The following EBF1 variants were observed in gnomAD, a reference collection of about 807,000 sequenced individuals.
The protein encoded by EBF1 is transcription factor COE1.
Under a neutral mutation model 68.4 loss-of-function variants are expected in EBF1, and 10 were observed. The ratio of observed to expected loss-of-function variants is 0.15; its 90% CI spans 0.09 to 0.25. The LOEUF is 0.25. Ranked by LOEUF, EBF1 falls within the 10% of genes least tolerant of loss-of-function variation. The pLI is 1.00. For missense variants in EBF1, 509 were observed against 794.4 expected, an observed-to-expected ratio of 0.64 and a Z score of 4.32; for synonymous variants, 298 against 299.8, an observed-to-expected ratio of 0.99 and a Z score of 0.06.
At chr5:159,099,301 C>G in intron 1 of EBF1, 44 bp downstream of exon 1, 1 of 1,428,118 alleles carries the variant, frequency 7.0e-7, no homozygotes, top group Non-Finnish European at 9.2e-7. Flanking sequence ...CCCGGCTCTC[C>G]CGCTCGCGGC....
intron 8 of EBF1, among the ~76,000 whole-genome samples, chr5:158,822,783 T>C (rs915935220): frequency 4.6e-5 from 7 of 152,220 alleles, no homozygotes; most frequent in Admixed American, 3.3e-4. Flanking sequence ...ATTATAAACA[T>C]GTCAAATATA....
chr5:158,696,551 A>G lies in EBF1; in HGVS notation c.*2560T>C. 1 of 224,336 alleles carries G rather than the reference A, an allele frequency of 4.5e-6. No homozygotes were observed. Among genetic ancestry groups the G allele is most frequent in the East Asian group, 6.4e-5 (1 of 15,748 alleles). 13.9% of individuals were successfully genotyped at this position (224,336 alleles called of 1,614,324 possible). On this transcript the variant is annotated 3_prime_UTR_variant, in exon 16 of 16. Coordinates refer to ENST00000313708, the MANE Select transcript of EBF1 (RefSeq NM_024007.5). The stretch of plus-strand genomic sequence containing the variant: ...ATGGCTTTAACTTGTGTACATCTTC[A>G]GGCCAGCGCTTACCACGCAAATTCA...
Position 158,708,018 on chromosome 5 carries a change from G to A in EBF1, c.1705C>T (p.Pro569Ser), listed in dbSNP as rs1229989670. 6.4e-7 allele frequency: 1 copy of A among 1,551,026 alleles called. No homozygotes were observed. ...APVVRPQTSP[P>S]PTCTSTNGNS... ...CCGTTGGTGCTGGTGCAGGTGGGAGGTGGGGAGGTCTGGGGTCTGACGACT... is the reference window on the plus strand; with the variant it reads ...CCGTTGGTGCTGGTGCAGGTGGGAGATGGGGAGGTCTGGGGTCTGACGACT... Residue 569 changes from proline to serine, a missense_variant, in exon 15 of 16, where the codon CCT becomes TCT. Coordinates refer to ENST00000313708, the MANE Select transcript of EBF1 (RefSeq NM_024007.5).
intron 10 of EBF1, among the ~76,000 whole-genome samples, chr5:158,762,558 C>T (rs1009121199): frequency 4.6e-5 from 7 of 152,234 alleles, no homozygotes; most frequent in Admixed American, 1.3e-4. Flanking sequence ...GTTTTTGGGA[C>T]GGAGTCTTGC....
intron 6 of EBF1, among the ~76,000 whole-genome samples, chr5:159,003,579 T>C (rs1762982362): frequency 1.3e-5 from 2 of 152,248 alleles, no homozygotes; most frequent in African/African-American, 4.8e-5. Context: ...AAATGACAGC[T>C]TGCCTGTGTA....
intron 6 of EBF1, among the ~76,000 whole-genome samples, chr5:158,940,532 G>A (rs923749660): frequency 3.9e-5 from 6 of 152,286 alleles, no homozygotes; most frequent in South Asian, 4.1e-4. Context: ...GGCAAGTGGT[G>A]AAGCTGGGAT....
At chr5:158,799,603 T>C (rs542841341) in intron 8 of EBF1, among the ~76,000 whole-genome samples, 22 of 152,152 alleles carry the variant, frequency 1.4e-4, no homozygotes, top group African/African-American at 4.3e-4. Context: ...CACAGACCCA[T>C]GTAGACCAAG....
chr5:158,774,203 G>A (rs1044702966), intron 10 of EBF1, among the ~76,000 whole-genome samples: 1 of 152,094 alleles, frequency 6.6e-6, no homozygotes, highest in African/African-American at 2.4e-5. Flanking sequence ...TCTCTGGTCT[G>A]AAGAACCAAT....
At chr5:159,020,681 C>T (rs1483622115) in intron 6 of EBF1, among the ~76,000 whole-genome samples, 1 of 152,176 alleles carries the variant, frequency 6.6e-6, no homozygotes, top group Admixed American at 6.5e-5. Flanking sequence ...TTTCTCTTTT[C>T]TGTTAAAATT....
At chr5:159,012,571 C>T (rs538273765) in intron 6 of EBF1, among the ~76,000 whole-genome samples, 1 of 152,180 alleles carries the variant, frequency 6.6e-6, no homozygotes, top group African/African-American at 2.4e-5. Context: ...ACTGCATCCT[C>T]AACCTCCCAG....
At chr5:158,794,826 G>C (rs922419262) in intron 9 of EBF1, among the ~76,000 whole-genome samples, 1 of 152,160 alleles carries the variant, frequency 6.6e-6, no homozygotes, top group Admixed American at 6.5e-5. Flanking sequence ...CCATGAATTT[G>C]ATGCTTCTAA....
intron 6 of EBF1, among the ~76,000 whole-genome samples, chr5:158,937,798 C>T (rs1289755276): frequency 2.2e-4 from 34 of 152,162 alleles, no homozygotes; most frequent in Non-Finnish European, 1.5e-5. Flanking sequence ...CGGGGCCGCA[C>T]GGCTCCACAC....
intron 6 of EBF1, among the ~76,000 whole-genome samples, chr5:158,965,205 T>C (rs565828811): frequency 2.4e-3 from 364 of 152,304 alleles, no homozygotes; most frequent in South Asian, 6.0e-3. Flanking sequence ...TCCACCTCCA[T>C]ATTATACGGT....
chr5:158,924,735 C>G (rs1268293127), intron 6 of EBF1, among the ~76,000 whole-genome samples: 1 of 151,604 alleles, frequency 6.6e-6, no homozygotes, highest in Non-Finnish European at 1.5e-5. Flanking sequence ...CGCCTGTAGT[C>G]CCAGCTACTC....
At chr5:159,096,754 CCT>C in intron 2 of EBF1, 2 of 648,232 alleles carry the variant, frequency 3.1e-6, no homozygotes, top group Non-Finnish European at 5.2e-6. Flanking sequence ...GCCAGGCTTG[CCT>C]CTCTCTAGCT....
At chr5:158,907,402 T>C (rs1450587530) in intron 6 of EBF1, among the ~76,000 whole-genome samples, 1 of 152,162 alleles carries the variant, frequency 6.6e-6, no homozygotes, top group East Asian at 1.9e-4. Flanking sequence ...AGGCCAAAAT[T>C]ACACCCATGG....
chr5:158,748,110 T>C (rs1000637092), intron 10 of EBF1, among the ~76,000 whole-genome samples: 22 of 152,130 alleles, frequency 1.4e-4, no homozygotes, highest in Non-Finnish European at 2.1e-4. Flanking sequence ...ACTTGAAAAA[T>C]ATAAATGTAT....
chr5:158,782,719 C>A (rs1161152345), intron 9 of EBF1, among the ~76,000 whole-genome samples: 2 of 151,954 alleles, frequency 1.3e-5, no homozygotes, highest in Non-Finnish European at 2.9e-5. Context: ...GACTTACATA[C>A]AAGATATTTT....
At chr5:158,881,536 G>A (rs1798903473) in intron 6 of EBF1, among the ~76,000 whole-genome samples, 1 of 152,182 alleles carries the variant, frequency 6.6e-6, no homozygotes, top group Admixed American at 6.5e-5. Flanking sequence ...CTGCTGCGGT[G>A]CTGAAGTGCT....
Sources: allele counts gnomAD v4.1 joint callset (sites outside exome capture counted in the v4.1 genomes callset), GRCh38; gene constraint gnomAD v4.1.1; transcripts MANE v1.5; gene names NCBI Gene and HGNC (gene_info 2026-07-23, HGNC 2026-07-21).